TEKT5: variants seen among roughly 807,000 people sequenced by gnomAD.
The protein encoded by TEKT5 is tektin 5.
Under a neutral mutation model 48.7 loss-of-function variants are expected in TEKT5, and 52 were observed. The observed-to-expected ratio is 1.07, with a 90% CI of 0.86 to 1.35. TEKT5 has a LOEUF of 1.35. Among genes scored for constraint, TEKT5 ranks in the 40% most tolerant of loss-of-function variants. The pLI is 0.00. For missense variants in TEKT5, 831 were observed against 641.6 expected (o/e 1.30, Z -3.19); for synonymous variants, 318 against 267.6 (o/e 1.19, Z -1.84).
chr16:10,685,776 C>G (rs1898853250), intron 3 of TEKT5, among the ~76,000 whole-genome samples: 1 of 152,154 alleles, frequency 6.6e-6, no homozygotes, highest in African/African-American at 2.4e-5. Flanking sequence ...GATGTCAGTG[C>G]TCATCTCTCT....
intron 5 of TEKT5, among the ~76,000 whole-genome samples, chr16:10,659,633 T>A (rs1449225617): frequency 6.6e-6 from 1 of 152,176 alleles, no homozygotes; most frequent in Non-Finnish European, 1.5e-5. Context: ...AGTGCTGGGA[T>A]TACAGGCGTG....
intron 6 of TEKT5, 80 bp from the exon 7 acceptor site, chr16:10,627,879 G>A (rs1897777647): frequency 1.5e-6 from 2 of 1,370,546 alleles, no homozygotes; most frequent in East Asian, 2.5e-5. Context: ...GTCTCACTCT[G>A]TCACCCAGGC....
In TEKT5 at chr16:10,694,549, G is replaced by T. The variant is rs9922129; in HGVS notation, c.325C>A (p.Arg109=). Reference sequence around the variant, plus strand: ...TCCGTCAGCCGGCTGGCCCACAGCCGGGAGGCCTCGGCCCCACGCACCTGC... The same window carrying T: ...TCCGTCAGCCGGCTGGCCCACAGCCTGGAGGCCTCGGCCCCACGCACCTGC... ...QLQVRGAEAS[R]LWASRLTDDS... The change falls in exon 1 of 7, where the codon CGG becomes AGG. Residue 109 remains arginine, a synonymous_variant. Coordinates refer to ENST00000283025, the MANE Select transcript of TEKT5 (RefSeq NM_144674.2). 0.24 allele frequency: 388,161 copies of T among 1,603,900 alleles called. 51,317 individuals are homozygous for T. Among genetic ancestry groups the T allele is most frequent in the East Asian group, 0.48 (21,532 of 44,784 alleles).
In TEKT5 at chr16:10,694,694, G is replaced by A. The variant is rs375993172; in HGVS notation, c.180C>T (p.Asn60=). 2.7e-5 allele frequency: 43 copies of A among 1,613,752 alleles called. No individual in the cohort carries two copies. The highest frequency in any genetic ancestry group is 6.7e-5 in the East Asian group (3 of 44,892). Reference sequence around the variant, plus strand: ...TGCTCTCGTCCGGGCAGGTCTGGACGTTGGCTATCTTGTAGAAGAGGCTAG... The same window carrying A: ...TGCTCTCGTCCGGGCAGGTCTGGACATTGGCTATCTTGTAGAAGAGGCTAG... ...WRPSLFYKIA[N]VQTCPDESTS... Residue 60 remains asparagine, a synonymous_variant, in exon 1 of 7, where the codon AAC becomes AAT. Coordinates refer to ENST00000283025, the MANE Select transcript of TEKT5 (RefSeq NM_144674.2).
intron 5 of TEKT5, among the ~76,000 whole-genome samples, chr16:10,668,858 G>C (rs1898502962): frequency 6.6e-6 from 1 of 152,174 alleles, no homozygotes; most frequent in African/African-American, 2.4e-5. Context: ...ACAGGATCAA[G>C]TAAATAATGC....
intron 2 of TEKT5, 124 bp downstream of exon 2, chr16:10,689,818 G>T: frequency 1.1e-6 from 1 of 889,864 alleles, no homozygotes; most frequent in Non-Finnish European, 1.7e-6. Flanking sequence ...TGCTTCCTGA[G>T]CCCTCACTTT....
chr16:10,689,568 C>T (rs1173043716), intron 2 of TEKT5, among the ~76,000 whole-genome samples: 1 of 149,178 alleles, frequency 6.7e-6, no homozygotes, highest in Admixed American at 6.7e-5. Context: ...TATAGACTCC[C>T]AGAATAAAAG....
intron 3 of TEKT5, 79 bp downstream of exon 3, chr16:10,689,174 T>C (rs1412158570): frequency 6.5e-6 from 8 of 1,230,634 alleles, no homozygotes; most frequent in South Asian, 1.4e-5. Flanking sequence ...AGTGGGCCCA[T>C]CTGGCTTGTC....
chr16:10,639,778 G>C (rs1897964459), intron 5 of TEKT5, among the ~76,000 whole-genome samples: 1 of 152,192 alleles, frequency 6.6e-6, no homozygotes, highest in Non-Finnish European at 1.5e-5. Flanking sequence ...AGACAGACTG[G>C]TTCACAGCAG....
At chr16:10,637,790 G>A (rs1567224781) in intron 5 of TEKT5, among the ~76,000 whole-genome samples, 1 of 152,206 alleles carries the variant, frequency 6.6e-6, no homozygotes. Context: ...CAACATTTGT[G>A]TTGGGTACAT....
At position 10,627,628 on chromosome 16, in the gene TEKT5, C is replaced by T; in HGVS notation, c.1413G>A (p.Met471Ile). ...GCGGGGTGCAGGGGAAGGTCTTACG[C>T]ATGCCCATGCACTTCTCCTTGTCGA... ...LCIDKEKCMG[M>I]RKTFPCTPRL... Residue 471 changes from methionine (M) to isoleucine (I), a missense_variant, in exon 7 of 7, where the codon ATG (methionine) becomes ATA (isoleucine). Met to Ile is a conservative substitution (Grantham distance 10, BLOSUM62 1). Transcript: ENST00000283025. 2.5e-6 allele frequency: 4 copies of T among 1,614,222 alleles called. No homozygotes were observed. Among genetic ancestry groups the T allele is most frequent in the African/African-American group, 1.3e-5 (1 of 75,068 alleles).
intron 5 of TEKT5, among the ~76,000 whole-genome samples, chr16:10,638,377 C>T (rs138556773): frequency 2.1e-3 from 311 of 151,176 alleles, no homozygotes; most frequent in African/African-American, 7.3e-3. Flanking sequence ...CTGCTGGTCA[C>T]GGTGTCCCTC....
chr16:10,665,208 T>C lies in TEKT5; in HGVS notation c.1086+10751A>G, dbSNP rs535382651. ...CAAAGACACAAAGGTGGAGGAGTCA[T>C]CACTTGGAAAAAATTAGGGGAATGC... is the stretch of plus-strand genomic sequence containing the variant. On this transcript the variant is annotated intron_variant, in intron 5 of 6. Coordinates refer to ENST00000283025, the MANE Select transcript of TEKT5 (RefSeq NM_144674.2). 1.9e-4 allele frequency among the ~76,000 whole-genome samples: 29 copies of C among 152,176 alleles called. 1 individual carries two copies. The South Asian group carries it at 6.0e-3, about 32-fold the overall frequency.
intron 4 of TEKT5, among the ~76,000 whole-genome samples, chr16:10,681,780 T>C (rs1898756150): frequency 2.0e-5 from 3 of 152,004 alleles, no homozygotes; most frequent in Non-Finnish European, 4.4e-5. Flanking sequence ...TCCCCTTGAG[T>C]TCGTGGCTCC....
At chr16:10,641,572 C>T (rs2541535) in intron 5 of TEKT5, among the ~76,000 whole-genome samples, 3,421 of 152,278 alleles carry the variant, frequency 0.022, 132 homozygotes, top group African/African-American at 0.079. Context: ...ATAATTGCAG[C>T]ACTTTGGGAG....
At chr16:10,645,278 G>T (rs1166941987) in intron 5 of TEKT5, among the ~76,000 whole-genome samples, 1 of 152,208 alleles carries the variant, frequency 6.6e-6, no homozygotes, top group East Asian at 1.9e-4. Flanking sequence ...GAGAGGCTGA[G>T]GTGGGAGGAT....
At chr16:10,648,362 G>C (rs1898102261) in intron 5 of TEKT5, among the ~76,000 whole-genome samples, 1 of 151,934 alleles carries the variant, frequency 6.6e-6, no homozygotes, top group South Asian at 2.1e-4. Context: ...GTGTTACCCA[G>C]GCTGGAATGC....
intron 6 of TEKT5, among the ~76,000 whole-genome samples, chr16:10,628,633 G>T (rs1345756518): frequency 6.6e-6 from 1 of 152,160 alleles, no homozygotes; most frequent in African/African-American, 2.4e-5. Context: ...AGCTGGGTAT[G>T]GTGGCTCACG....
intron 5 of TEKT5, among the ~76,000 whole-genome samples, chr16:10,667,670 G>T (rs1255620060): frequency 6.6e-6 from 1 of 151,960 alleles, no homozygotes; most frequent in Non-Finnish European, 1.5e-5. Context: ...CAAATTTCAG[G>T]TACTGGGCAG....
Sources: allele counts gnomAD v4.1 joint callset (sites outside exome capture counted in the v4.1 genomes callset), GRCh38; gene constraint gnomAD v4.1.1; transcripts MANE v1.5; gene names NCBI Gene and HGNC (gene_info 2026-07-23, HGNC 2026-07-21).